Variants in RMI1 observed in about 807,000 individuals in gnomAD.
The protein encoded by RMI1 is RecQ mediated genome instability 1.
In RMI1, 36 loss-of-function variants were observed where a neutral mutation model predicts 46.7. The ratio of observed to expected loss-of-function variants is 0.77; its 90% CI spans 0.59 to 1.02. RMI1 has a LOEUF of 1.02. RMI1 is among the 50% of genes least tolerant of loss of function. The pLI is 0.00. For synonymous variants in RMI1, 250 were observed against 252.9 expected (o/e 0.99, Z 0.11); for missense variants, 676 against 713.7 (o/e 0.95, Z 0.60).
intron 1 of RMI1, among the ~76,000 whole-genome samples, chr9:83,994,224 A>G (rs1957617353): frequency 6.6e-6 from 1 of 152,100 alleles, no homozygotes; most frequent in Non-Finnish European, 1.5e-5. Flanking sequence ...TGGTTTGCAA[A>G]TATTTTCTCC....
Position 84,003,014 on chromosome 9 carries a change from G to T in RMI1, c.*150G>T, listed in dbSNP as rs1202919771. ...AATTTTAAAGTGTTTAATCATGTTT[G>T]TTATATGTGGAGCTTTTGAAAATAA... On this transcript the variant is annotated 3_prime_UTR_variant, in exon 3 of 3. Transcript: ENST00000445877. 2.9e-4 allele frequency: 136 copies of T among 466,494 alleles called. No individual in the cohort carries two copies. Among genetic ancestry groups the T allele is most frequent in the South Asian group, 9.0e-4 (18 of 20,100 alleles). The allele number at this position is 466,494 out of a possible 1,614,324, so 28.9% of individuals were successfully genotyped here. A position where few individuals can be genotyped will look rare whatever the true frequency, so the allele number is the denominator to read the frequency against.
chr9:83,987,760 C>A (rs891266254), intron 1 of RMI1, among the ~76,000 whole-genome samples: 1 of 152,170 alleles, frequency 6.6e-6, no homozygotes. Context: ...CCTTTACTTA[C>A]CATACTGAAT....
intron 1 of RMI1, among the ~76,000 whole-genome samples, chr9:83,986,580 CTCTT>C (rs1344181294): frequency 1.3e-5 from 2 of 152,144 alleles, no homozygotes; most frequent in East Asian, 1.9e-4. Flanking sequence ...GATGAGAATA[CTCTT>C]TCTATCAAAA....
At chr9:83,987,469 T>G (rs1378835411) in intron 1 of RMI1, among the ~76,000 whole-genome samples, 1 of 152,248 alleles carries the variant, frequency 6.6e-6, no homozygotes, top group Non-Finnish European at 1.5e-5. Context: ...ATTTCTATTC[T>G]TTTGGTGTTT....
intron 1 of RMI1, among the ~76,000 whole-genome samples, chr9:83,995,789 C>G (rs1957643533): frequency 6.6e-6 from 1 of 152,096 alleles, no homozygotes; most frequent in African/African-American, 2.4e-5. Context: ...TAAGTTATCT[C>G]CTCATTTGTT....
intron 1 of RMI1, among the ~76,000 whole-genome samples, chr9:83,986,354 C>G (rs967779942): frequency 3.3e-5 from 5 of 152,158 alleles, no homozygotes; most frequent in East Asian, 1.9e-4. Context: ...CAGCAAACCA[C>G]TCTTATAGAA....
chr9:83,986,846 C>G lies in RMI1; in HGVS notation c.-126+5955C>G, dbSNP rs536030574. On this transcript the variant is annotated intron_variant, in intron 1 of 2. Transcript: ENST00000445877. The stretch of plus-strand genomic sequence containing the variant: ...AATCAGTCTTCTTTTCTTACTGATT[C>G]ATTTCTTTTGAAGTTTCAAAGTCAA... Among the ~76,000 whole-genome samples, 7 of 152,302 alleles carry G rather than the reference C, an allele frequency of 4.6e-5. No homozygotes were observed. The South Asian group carries it at 1.2e-3, about 27-fold the overall frequency.
chr9:83,995,940 T>G (rs1301290244), intron 1 of RMI1, among the ~76,000 whole-genome samples: 1 of 152,210 alleles, frequency 6.6e-6, no homozygotes, highest in Non-Finnish European at 1.5e-5. Context: ...TTAGTCCCAC[T>G]TAAGTATATT....
Position 83,985,503 on chromosome 9 carries a change from T to C in RMI1, c.-126+4612T>C, listed in dbSNP as rs1431495779. Among the ~76,000 whole-genome samples, 3 of 152,230 alleles carry C rather than the reference T, an allele frequency of 2.0e-5. No individual in the cohort carries two copies. In the East Asian group the frequency reaches 5.8e-4, roughly 29 times the overall value. The stretch of plus-strand genomic sequence containing the variant: ...GTGTCTTGGTTATCTTTTGGGTGTT[T>C]AGTCAATGGAATTTTTTTCTTTGCC... On this transcript the variant is annotated intron_variant, in intron 1 of 2. Coordinates refer to ENST00000445877, the MANE Select transcript of RMI1 (RefSeq NM_001358291.2).
chr9:83,989,773 A>C (rs529001772), intron 1 of RMI1, among the ~76,000 whole-genome samples: 1 of 152,300 alleles, frequency 6.6e-6, no homozygotes, highest in South Asian at 2.1e-4. Context: ...GCCTCTGTAA[A>C]AAACAGTATG....
At chr9:83,996,389 G>T (rs1957654031) in intron 1 of RMI1, among the ~76,000 whole-genome samples, 1 of 152,146 alleles carries the variant, frequency 6.6e-6, no homozygotes, top group Admixed American at 6.5e-5. Flanking sequence ...TGGCATGCTG[G>T]ATTTCTGGAG....
chr9:83,992,827 T>C (rs1390323255), intron 1 of RMI1: 1 of 152,204 alleles, frequency 6.6e-6, no homozygotes, highest in Non-Finnish European at 1.5e-5. Context: ...TTCATCAATA[T>C]TCATGTCATT....
chr9:83,982,850 A>C (rs1468813845), intron 1 of RMI1, among the ~76,000 whole-genome samples: 3 of 152,178 alleles, frequency 2.0e-5, no homozygotes, highest in African/African-American at 7.2e-5. Context: ...TTTAAATAAC[A>C]GGAAAGTCTT....
intron 2 of RMI1, among the ~76,000 whole-genome samples, chr9:84,000,519 TG>T (rs1269209404): frequency 6.6e-6 from 1 of 152,180 alleles, no homozygotes; most frequent in African/African-American, 2.4e-5. Context: ...AGACATCCAC[TG>T]GGGGTATTGG....
chr9:83,994,605 A>G (rs1957623206), intron 1 of RMI1, among the ~76,000 whole-genome samples: 1 of 152,098 alleles, frequency 6.6e-6, no homozygotes, highest in Non-Finnish European at 1.5e-5. Context: ...TTGACCAGAT[A>G]CTTCCTGGGA....
rs201728979 is a variant in RMI1, at chr9:84,002,121, T to C, written c.1135T>C (p.Ser379Pro). 7 of 1,613,818 alleles carry C rather than the reference T, an allele frequency of 4.3e-6. No homozygotes were observed. In the East Asian group the frequency reaches 1.6e-4, roughly 36 times the overall value. Residue 379 changes from serine (S) to proline (P), a missense_variant, in exon 3 of 3, where the codon TCT (serine) becomes CCT (proline). Coordinates refer to ENST00000445877, the MANE Select transcript of RMI1 (RefSeq NM_001358291.2). Reference sequence around the variant, plus strand: ...CAATAATTGGAGTGAAAAAAATGTATCTGAACAAATGACTAATGAAGACAA... The same window carrying C: ...CAATAATTGGAGTGAAAAAAATGTACCTGAACAAATGACTAATGAAGACAA... ...GNNNWSEKNVSEQMTNEDKSF... is the reference protein window; with the variant it reads ...GNNNWSEKNVPEQMTNEDKSF...
At chr9:83,986,537 C>T (rs987813821) in intron 1 of RMI1, among the ~76,000 whole-genome samples, 1 of 152,178 alleles carries the variant, frequency 6.6e-6, no homozygotes, top group Admixed American at 6.5e-5. Flanking sequence ...ATGCCTTAAT[C>T]TTCATGCCTC....
At chr9:83,991,965 G>A (rs1957581689) in intron 1 of RMI1, among the ~76,000 whole-genome samples, 1 of 152,104 alleles carries the variant, frequency 6.6e-6, no homozygotes, top group African/African-American at 2.4e-5. Context: ...GGCAATTCTA[G>A]TTCCTTTGCC....
At chr9:83,998,273 ACT>A (rs1167485378) in intron 1 of RMI1, among the ~76,000 whole-genome samples, 4 of 152,144 alleles carry the variant, frequency 2.6e-5, no homozygotes, top group African/African-American at 9.7e-5. Flanking sequence ...AAATGTTTAT[ACT>A]CTCATTTTCT....
Sources: gnomAD v4.1 joint callset for allele counts (sites outside exome capture counted in the v4.1 genomes callset) on GRCh38, gnomAD v4.1.1 for gene constraint, MANE v1.5 for transcripts, NCBI Gene and HGNC (gene_info 2026-07-23, HGNC 2026-07-21) for gene names.